The following TIAM2 variants were observed in gnomAD, a reference collection of about 807,000 sequenced individuals.
The protein encoded by TIAM2 is TIAM Rac1 associated GEF 2, also known as rho guanine nucleotide exchange factor TIAM2.
A neutral mutation model predicts 152.9 loss-of-function variants in TIAM2; 80 were observed. The ratio of observed to expected loss-of-function variants is 0.52; its 90% CI spans 0.44 to 0.63. TIAM2 has a LOEUF of 0.63. TIAM2 is among the 30% of genes least tolerant of loss of function. The probability of loss-of-function intolerance (pLI) is 0.00; values close to 1 mark genes in which losing one functional copy is unlikely to be tolerated. For missense variants in TIAM2, 1,965 were observed against 2,120.1 expected (o/e 0.93, Z 1.44); for synonymous variants, 804 against 838.0 (o/e 0.96, Z 0.70).
intron 14 of TIAM2, among the ~76,000 whole-genome samples, chr6:155,201,768 C>T (rs569362698): frequency 7.2e-5 from 11 of 152,180 alleles, no homozygotes; most frequent in Non-Finnish European, 1.6e-4. Flanking sequence ...ACATTTATCA[C>T]AAGACAATTG....
chr6:155,130,076 G>A lies in TIAM2; in HGVS notation c.853G>A (p.Asp285Asn), dbSNP rs768414666. 1.5e-5 allele frequency: 25 copies of A among 1,613,886 alleles called. 1 individual carries two copies. The highest frequency in any genetic ancestry group is 8.8e-5 in the South Asian group (8 of 91,084). Residue 285 changes from aspartate (D) to asparagine (N), a missense_variant, in exon 4 of 27, where the codon GAT becomes AAT. By Grantham distance (23) the Asp-to-Asn change is conservative. Transcript: ENST00000682666. ...PSLHASFPPGDAKKPFNQSSS... is the reference protein window; with the variant it reads ...PSLHASFPPGNAKKPFNQSSS... ...TCTCCATGCCAGCTTCCCACCTGGC[G>A]ATGCCAAAAAGCCTTTCAACCAAAG...
At chr6:155,001,113 T>C (rs1778306222) in intron 1 of TIAM2, among the ~76,000 whole-genome samples, 1 of 126,446 alleles carries the variant, frequency 7.9e-6, no homozygotes, top group Admixed American at 7.6e-5. Context: ...AGTAGAATAG[T>C]GGGGACAGAC....
At chr6:155,201,390 G>A (rs1165689945) in intron 14 of TIAM2, among the ~76,000 whole-genome samples, 1 of 152,120 alleles carries the variant, frequency 6.6e-6, no homozygotes, top group Non-Finnish European at 1.5e-5. Flanking sequence ...TTTGAAGTAC[G>A]GTATTGTCTG....
chr6:155,171,772 G>A (rs1433442222), intron 9 of TIAM2, among the ~76,000 whole-genome samples: 1 of 152,112 alleles, frequency 6.6e-6, no homozygotes, highest in South Asian at 2.1e-4. Flanking sequence ...CATATCAACC[G>A]ATGTGTGGGC....
intron 1 of TIAM2, among the ~76,000 whole-genome samples, chr6:155,030,826 A>G (rs769928076): frequency 2.0e-5 from 3 of 152,200 alleles, no homozygotes; most frequent in Non-Finnish European, 2.9e-5. Flanking sequence ...CCTTCCAGAC[A>G]ATGAGATTAA....
In TIAM2 at chr6:155,165,412, G is replaced by C; in HGVS notation, c.2361+3G>C. 1.9e-6 allele frequency: 3 copies of C among 1,609,170 alleles called. No homozygotes were observed. The highest frequency in any genetic ancestry group is 2.5e-6 in the Non-Finnish European group (3 of 1,178,562). On this transcript the variant is annotated splice_donor_region_variant and intron_variant, in intron 9 of 26. Coordinates refer to ENST00000682666, the MANE Select transcript of TIAM2 (RefSeq NM_012454.4). ...AGAAGAGACCTTCTATAACTCAGGTGAGCTTTTCAGCATGGGAACAGCAGA... is the reference window on the plus strand; with the variant it reads ...AGAAGAGACCTTCTATAACTCAGGTCAGCTTTTCAGCATGGGAACAGCAGA...
chr6:155,172,657 TATATATATATATATATATATATATATA>T (rs1562340975), intron 9 of TIAM2, among the ~76,000 whole-genome samples: 63 of 10,596 alleles, frequency 5.9e-3, no homozygotes, highest in African/African-American at 0.012. Flanking sequence ...TATATATATA[TATATATATATATATATATATATATATA>T]TATTTTTTTT....
intron 2 of TIAM2, among the ~76,000 whole-genome samples, chr6:155,098,547 A>G (rs1400571894): frequency 6.6e-6 from 1 of 152,120 alleles, no homozygotes; most frequent in African/African-American, 2.4e-5. Context: ...ATTTTGCTGG[A>G]TTCATTTATC....
At position 155,130,124 on chromosome 6, in the gene TIAM2, G is replaced by T. The variant is rs1198879201; in HGVS notation, c.901G>T (p.Glu301Ter). The stretch of plus-strand genomic sequence containing the variant: ...AAGCTCTTCCCTCTCCTCCCTCCGG[G>T]AACTGTACAAAGATGCCAACCTGGG... ...NQSSSLSSLR[E>*]LYKDANLGSL... The change falls in exon 4 of 27, where the codon GAA becomes TAA. Residue 301 changes from glutamate (E) to a stop codon, truncating the protein, a stop_gained. Transcript: ENST00000682666. LOFTEE classifies it high-confidence loss of function. 1.9e-6 allele frequency: 3 copies of T among 1,614,026 alleles called. No individual in the cohort carries two copies. Among genetic ancestry groups the T allele is most frequent in the Non-Finnish European group, 2.5e-6 (3 of 1,180,040 alleles).
chr6:155,219,813 G>T (rs1781980687), intron 15 of TIAM2, among the ~76,000 whole-genome samples: 1 of 152,006 alleles, frequency 6.6e-6, no homozygotes, highest in Non-Finnish European at 1.5e-5. Context: ...CTTTGCCAGG[G>T]ATAACTTACA....
intron 1 of TIAM2, among the ~76,000 whole-genome samples, chr6:155,075,245 G>C (rs1488548453): frequency 6.6e-6 from 1 of 152,026 alleles, no homozygotes; most frequent in Admixed American, 6.6e-5. Flanking sequence ...TTTCAAAACT[G>C]TGCTAATGAT....
intron 1 of TIAM2, among the ~76,000 whole-genome samples, chr6:155,038,591 T>C (rs1476317238): frequency 6.6e-6 from 1 of 152,190 alleles, no homozygotes; most frequent in African/African-American, 2.4e-5. Flanking sequence ...GAAAAAGCAC[T>C]GTGTTTTTGA....
In TIAM2 at chr6:155,134,980, C is replaced by G. The variant is rs549242123; in HGVS notation, c.1195-2197C>G. On this transcript the variant is annotated intron_variant, in intron 4 of 26. Transcript: ENST00000682666. ...TCAGCCTCCCAAAGTGCTGGGATTACAGGCGTGAGCCACCGAGCCCAGCCA... is the reference window on the plus strand; with the variant it reads ...TCAGCCTCCCAAAGTGCTGGGATTAGAGGCGTGAGCCACCGAGCCCAGCCA... 1.1e-4 allele frequency among the ~76,000 whole-genome samples: 16 copies of G among 152,204 alleles called. No homozygotes were observed. In the South Asian group the frequency reaches 2.5e-3, roughly 24 times the overall value.
intron 2 of TIAM2, among the ~76,000 whole-genome samples, chr6:155,109,657 A>G (rs952737104): frequency 1.3e-5 from 2 of 152,202 alleles, no homozygotes; most frequent in Non-Finnish European, 2.9e-5. Context: ...TCAGGTCTTT[A>G]TAGTCCATAG....
rs1453028337 is a variant in TIAM2, at chr6:155,211,188, G to C, written c.3065-16G>C. On this transcript the variant is annotated splice_polypyrimidine_tract_variant and intron_variant, in intron 14 of 26. Transcript: ENST00000682666. ...AATGGCCAAACTCATATATGTTTTTGTCATTTTTTATGCAGATTTCAGCAA... is the reference window on the plus strand; with the variant it reads ...AATGGCCAAACTCATATATGTTTTTCTCATTTTTTATGCAGATTTCAGCAA... The C allele has an allele frequency of 6.2e-7, 1 of 1,609,638 alleles. No homozygotes were observed.
intron 15 of TIAM2, among the ~76,000 whole-genome samples, chr6:155,221,993 G>A (rs1285993198): frequency 6.6e-6 from 1 of 151,750 alleles, no homozygotes; most frequent in Non-Finnish European, 1.5e-5. Flanking sequence ...TCACTTTGTT[G>A]CCCAGGCTGG....
chr6:155,240,468 G>A, intron 15 of TIAM2, 62 bp from the exon 16 acceptor site: 1 of 1,519,384 alleles, frequency 6.6e-7, no homozygotes, highest in Admixed American at 1.8e-5. Flanking sequence ...GTGCCCTTGG[G>A]GGCAGCGGAT....
At chr6:155,020,438 G>A (rs1448985041) in intron 1 of TIAM2, among the ~76,000 whole-genome samples, 1 of 152,036 alleles carries the variant, frequency 6.6e-6, no homozygotes, top group African/African-American at 2.4e-5. Context: ...AATTATTGTG[G>A]TCAAATTACT....
chr6:155,040,719 G>A (rs1010106261), intron 1 of TIAM2, among the ~76,000 whole-genome samples: 3 of 151,954 alleles, frequency 2.0e-5, no homozygotes, highest in Admixed American at 6.6e-5. Flanking sequence ...GGGTTTCACC[G>A]TGTTGGCCAG....
Sources: gnomAD v4.1 joint callset for allele counts (sites outside exome capture counted in the v4.1 genomes callset) on GRCh38, gnomAD v4.1.1 for gene constraint, MANE v1.5 for transcripts, NCBI Gene and HGNC (gene_info 2026-07-23, HGNC 2026-07-21) for gene names.